Variants in KMT5A observed in about 807,000 individuals in gnomAD.
The protein encoded by KMT5A is lysine methyltransferase 5A.
In KMT5A, 6 loss-of-function variants were observed where a neutral mutation model predicts 40.6. That is an observed-to-expected ratio of 0.15 (90% CI 0.08 to 0.29). The LOEUF (loss-of-function observed/expected upper bound fraction) is 0.29. KMT5A is among the 10% of genes least tolerant of loss of function. The probability of loss-of-function intolerance (pLI) is 1.00; values close to 1 mark genes in which losing one functional copy is unlikely to be tolerated. For missense variants in KMT5A, 308 were observed against 459.1 expected (o/e 0.67, Z 3.01); for synonymous variants, 153 against 178.8 (o/e 0.86, Z 1.15).
chr12:123,389,606 C>T, intron 2 of KMT5A, 52 bp downstream of exon 2: 1 of 1,058,678 alleles, frequency 9.4e-7, no homozygotes, highest in South Asian at 4.4e-5. Flanking sequence ...GGGCCGGGGC[C>T]GCGAGCACAT....
chr12:123,390,016 G>A, intron 2 of KMT5A: 2 of 463,646 alleles, frequency 4.3e-6, no homozygotes, highest in Non-Finnish European at 8.8e-6. Flanking sequence ...TGACGCCCAG[G>A]TGCGGCTTGC....
chr12:123,402,727 C>A (rs138729736), intron 5 of KMT5A, among the ~76,000 whole-genome samples: 10 of 152,244 alleles, frequency 6.6e-5, no homozygotes, highest in African/African-American at 1.9e-4. Flanking sequence ...GTGCCCCCTC[C>A]CAGTTCTCTG....
rs780165008 is a variant in KMT5A, at chr12:123,403,617, G to A, written c.642G>A (p.Lys214=). 5 of 1,614,090 alleles carry A rather than the reference G, an allele frequency of 3.1e-6. No homozygotes were observed. Among genetic ancestry groups the A allele is most frequent in the Non-Finnish European group, 3.4e-6 (4 of 1,180,030 alleles). Residue 214 remains lysine, a synonymous_variant, in exon 6 of 8, where the codon AAG becomes AAA. Coordinates refer to ENST00000402868, the MANE Select transcript of KMT5A (RefSeq NM_020382.7). The part of the protein sequence containing the change: ...KRIDELIESG[K]EEGMKIDLID... ...TAGATGAATTGATTGAAAGTGGGAAGGAAGAAGGAATGAAGGTAAGGGGCT... is the reference window on the plus strand; with the variant it reads ...TAGATGAATTGATTGAAAGTGGGAAAGAAGAAGGAATGAAGGTAAGGGGCT...
intron 7 of KMT5A, among the ~76,000 whole-genome samples, 189 bp downstream of exon 7, chr12:123,405,263 G>A (rs565919223): frequency 2.7e-4 from 41 of 151,222 alleles, no homozygotes; most frequent in Admixed American, 2.0e-3. Flanking sequence ...GTGTGATCTC[G>A]GCTCATTGCA....
At chr12:123,385,352 T>A (rs1035518433) in intron 1 of KMT5A, among the ~76,000 whole-genome samples, 2 of 152,182 alleles carry the variant, frequency 1.3e-5, no homozygotes, top group Admixed American at 1.3e-4. Context: ...TACTAATATT[T>A]TTCCTTTGAA....
chr12:123,400,097 C>A (rs1878031038), intron 5 of KMT5A, among the ~76,000 whole-genome samples: 1 of 152,154 alleles, frequency 6.6e-6, no homozygotes, highest in South Asian at 2.1e-4. Context: ...GCTGGGATTA[C>A]AGGCGTGAGC....
Position 123,404,936 on chromosome 12 carries a change from C to T in KMT5A, c.710C>T (p.Ser237Phe). The change falls in exon 7 of 8, where the codon TCC (serine) becomes TTC (phenylalanine). Residue 237 changes from serine (S) to phenylalanine (F), a missense_variant. Around this residue, in one of 4 missense-constraint regions of KMT5A, gnomAD observed 77 missense variants for 220.0 expected, o/e 0.35. Coordinates refer to ENST00000402868, the MANE Select transcript of KMT5A (RefSeq NM_020382.7). ...GGTGTGATTGCCACCAAGCAGTTCT[C>T]CCGGGGTGACTTTGTGGTGGAATAC... Reference protein sequence around the residue: ...GRGVIATKQFSRGDFVVEYHG... With the variant: ...GRGVIATKQFFRGDFVVEYHG... 6.2e-7 allele frequency: 1 copy of T among 1,613,690 alleles called. No individual in the cohort carries two copies.
chr12:123,402,686 G>T (rs1164882506), intron 5 of KMT5A, among the ~76,000 whole-genome samples: 1 of 152,202 alleles, frequency 6.6e-6, no homozygotes, highest in Non-Finnish European at 1.5e-5. Context: ...GGTGCAGGAG[G>T]GGTGGCCTTA....
At chr12:123,392,563 C>G (rs1167034769) in intron 3 of KMT5A, among the ~76,000 whole-genome samples, 2 of 152,066 alleles carry the variant, frequency 1.3e-5, no homozygotes, top group African/African-American at 4.8e-5. Flanking sequence ...GCTTGGGAGG[C>G]TAAGGCAGGA....
chr12:123,406,735 T>C (rs1433674801), intron 7 of KMT5A, among the ~76,000 whole-genome samples: 1 of 151,922 alleles, frequency 6.6e-6, no homozygotes, highest in African/African-American at 2.4e-5. Context: ...CTCTCAAAAA[T>C]AGCTTTGTGG....
At chr12:123,403,451 C>G in intron 5 of KMT5A, 122 bp from the exon 6 acceptor site, 2 of 994,632 alleles carry the variant, frequency 2.0e-6, no homozygotes, top group Non-Finnish European at 1.5e-6. Context: ...CCCAGTGATG[C>G]CAAATGAGGC....
At chr12:123,407,404 C>G (rs1056471075) in intron 7 of KMT5A, 89 bp from the exon 8 acceptor site, 14 of 1,219,356 alleles carry the variant, frequency 1.1e-5, no homozygotes, top group South Asian at 1.3e-5. Flanking sequence ...AAATCAGCAT[C>G]CCACCAGAGC....
At chr12:123,389,225 C>G in intron 1 of KMT5A, 1 of 134,092 alleles carries the variant, frequency 7.5e-6, no homozygotes, top group Non-Finnish European at 1.6e-5. Flanking sequence ...GGGCGGCGCG[C>G]GGGGCCTGGC....
At position 123,408,140 on chromosome 12, in the gene KMT5A, G is replaced by A; in HGVS notation, c.*437G>A. The A allele has an allele frequency of 5.6e-6, 1 of 177,732 alleles. No individual in the cohort carries two copies. Among genetic ancestry groups the A allele is most frequent in the Non-Finnish European group, 1.2e-5 (1 of 83,366 alleles). 11.0% of individuals were successfully genotyped at this position (177,732 alleles called of 1,614,324 possible). A position where few individuals can be genotyped will look rare whatever the true frequency, so the allele number is the denominator to read the frequency against. On this transcript the variant is annotated 3_prime_UTR_variant, in exon 8 of 8. Coordinates refer to ENST00000402868, the MANE Select transcript of KMT5A (RefSeq NM_020382.7). ...GTGAGGAAGACGCTGCCTCCCAATGGCCTGGACGGGATGTTTCCAAGCTCT... is the reference window on the plus strand; with the variant it reads ...GTGAGGAAGACGCTGCCTCCCAATGACCTGGACGGGATGTTTCCAAGCTCT...
chr12:123,387,248 G>C (rs1455146351), intron 1 of KMT5A, among the ~76,000 whole-genome samples: 1 of 152,194 alleles, frequency 6.6e-6, no homozygotes, highest in Admixed American at 6.5e-5. Context: ...CTAGGTACTG[G>C]AGCTGCAGAA....
At chr12:123,391,414 C>CA (rs149494728) in intron 3 of KMT5A, 3,245 of 152,736 alleles carry the variant, frequency 0.021, 44 homozygotes, top group Non-Finnish European at 0.03. Context: ...AGACTGGTCT[C>CA]AAACTCCTGA....
At chr12:123,402,991 C>T (rs1878291020) in intron 5 of KMT5A, among the ~76,000 whole-genome samples, 1 of 152,228 alleles carries the variant, frequency 6.6e-6, no homozygotes, top group Admixed American at 6.5e-5. Flanking sequence ...TCACTGCAAC[C>T]TCCACCTCCC....
At chr12:123,393,278 C>A (rs1877447055) in intron 3 of KMT5A, among the ~76,000 whole-genome samples, 1 of 152,168 alleles carries the variant, frequency 6.6e-6, no homozygotes, top group Non-Finnish European at 1.5e-5. Context: ...AGTATATTCA[C>A]AGGGTTGCGC....
chr12:123,390,955 G>A, intron 3 of KMT5A, 169 bp downstream of exon 3: 1 of 754,362 alleles, frequency 1.3e-6, no homozygotes, highest in Non-Finnish European at 2.1e-6. Flanking sequence ...CCCAGGGTGT[G>A]TGCCCTGTTG....
Sources: gnomAD v4.1 joint callset for allele counts (sites outside exome capture counted in the v4.1 genomes callset) on GRCh38, gnomAD v4.1.1 for gene constraint, gnomAD v4.1.1 regional missense constraint, MANE v1.5 for transcripts, NCBI Gene and HGNC (gene_info 2026-07-23, HGNC 2026-07-21) for gene names.